Variants in COIL observed in about 807,000 individuals in gnomAD.
The protein encoded by COIL is coilin p80.
In COIL, 28 loss-of-function variants were observed where a neutral mutation model predicts 51.6. The ratio of observed to expected loss-of-function variants is 0.54; its 90% CI spans 0.40 to 0.74. The LOEUF (loss-of-function observed/expected upper bound fraction) is 0.74, where lower values mean the gene tolerates loss of function less well. COIL is among the 30% of genes least tolerant of loss of function. The pLI, the probability that COIL is intolerant of heterozygous loss-of-function variation, is 0.00. For missense variants in COIL, 667 were observed against 685.9 expected, an observed-to-expected ratio of 0.97 and a Z score of 0.31; for synonymous variants, 233 against 255.8, an observed-to-expected ratio of 0.91 and a Z score of 0.85.
chr17:56,950,481 T>A lies in COIL; in HGVS notation c.761A>T (p.Asp254Val). 2 of 1,614,220 alleles carry A rather than the reference T, an allele frequency of 1.2e-6. No individual in the cohort carries two copies. The highest frequency in any genetic ancestry group is 1.7e-5 in the Admixed American group (1 of 60,028). Residue 254 changes from aspartate to valine, a missense_variant, in exon 2 of 7, where the codon GAT becomes GTT. Transcript: ENST00000240316. ...PSSSSESESC[D>V]ESISDGPSKV... ...GCTGGGACCATCACTGATAGATTCA[T>A]CACAAGATTCAGACTCCGAGGAGGA...
chr17:56,951,248 CTAATCTAA>C (rs372457743), intron 1 of COIL, among the ~76,000 whole-genome samples: 75 of 152,276 alleles, frequency 4.9e-4, no homozygotes, highest in African/African-American at 1.6e-3. Flanking sequence ...ACGTTTTTCT[CTAATCTAA>C]ACACCAACAC....
Position 56,950,198 on chromosome 17 carries a change from T to A in COIL, c.1044A>T (p.Ala348=). Residue 348 remains alanine (A), a synonymous_variant, in exon 2 of 7, where the codon GCA becomes GCT. Coordinates refer to ENST00000240316, the MANE Select transcript of COIL (RefSeq NM_004645.3). The part of the protein sequence containing the change: ...AGFLKTVGLF[A]GRGRPGPGLS... ...GCCCTGGGCCTGGACGACCTCTTCC[T>A]GCAAAAAGGCCTACTGTCTTTAAGA... is the stretch of plus-strand genomic sequence containing the variant. 1 of 1,614,126 alleles carries A rather than the reference T, an allele frequency of 6.2e-7. No individual in the cohort carries two copies. Among genetic ancestry groups the A allele is most frequent in the Non-Finnish European group, 8.5e-7 (1 of 1,180,026 alleles).
chr17:56,956,508 G>A (rs1349484460), intron 1 of COIL, among the ~76,000 whole-genome samples: 3 of 151,712 alleles, frequency 2.0e-5, no homozygotes, highest in East Asian at 3.9e-4. Context: ...CTCCCACCTC[G>A]GCCTCCCAAA....
Position 56,946,472 on chromosome 17 carries a change from C to G in COIL, c.1528G>C (p.Val510Leu). The change falls in exon 5 of 7, where the codon GTA becomes CTA. Residue 510 changes from valine (V) to leucine (L), a missense_variant. Physicochemically the swap from Val to Leu is conservative, Grantham distance 32. Transcript: ENST00000240316. ...AAGGATGAAAGAATTTCTATATCTA[C>G]TTGCTGGGTCTCTGGATTGTGGCTT... ...ILSHNPETQQVDIEILSSLPA... is the reference protein window; with the variant it reads ...ILSHNPETQQLDIEILSSLPA... The G allele has an allele frequency of 6.2e-7, 1 of 1,611,222 alleles. No homozygotes were observed. The highest frequency in any genetic ancestry group is 8.5e-7 in the Non-Finnish European group (1 of 1,178,034).
chr17:56,939,305 ACTC>A, intron 6 of COIL, 151 bp from the exon 7 acceptor site: 1 of 591,650 alleles, frequency 1.7e-6, no homozygotes, highest in Non-Finnish European at 3.0e-6. Flanking sequence ...CAGTATAGTA[ACTC>A]TTTAGGCCAG....
In COIL at chr17:56,950,735, G is replaced by A. The variant is rs1910351438; in HGVS notation, c.507C>T (p.Thr169=). 2.5e-6 allele frequency: 4 copies of A among 1,613,786 alleles called. No homozygotes were observed. The highest frequency in any genetic ancestry group is 1.7e-5 in the Admixed American group (1 of 59,954). The change falls in exon 2 of 7, where the codon ACC becomes ACT. Residue 169 remains threonine, a synonymous_variant. Coordinates refer to ENST00000240316, the MANE Select transcript of COIL (RefSeq NM_004645.3). ...CGTTATCATCACCCACTGTGCCACA[G>A]GTTGCTTTATTTTTTCTCTTGTTTT... is the stretch of plus-strand genomic sequence containing the variant. ...SKKNKRKNKA[T]CGTVGDDNEE... is the part of the protein sequence containing the mutation.
rs1910357664 is a variant in COIL, at chr17:56,950,865, CA to C, written c.376del (p.Cys126AlafsTer83). ...LEEGEETEPDCKYSKKHWKSR... is the reference protein window; with the variant it reads ...LEEGEETEPDXKYSKKHWKSR... The stretch of plus-strand genomic sequence containing the variant: ...CTTCCAATGCTTCTTTGAATATTTG[CA>C]ATCTGGTTCAGTTTCTTCACCCTCC... On this transcript the variant is annotated frameshift_variant, in exon 2 of 7. Coordinates refer to ENST00000240316, the MANE Select transcript of COIL (RefSeq NM_004645.3). LOFTEE classifies it high-confidence loss of function. 6.2e-7 allele frequency: 1 copy of C among 1,613,776 alleles called. No homozygotes were observed. Among genetic ancestry groups the C allele is most frequent in the Non-Finnish European group, 8.5e-7 (1 of 1,180,044 alleles).
At chr17:56,952,919 G>C (rs530959785) in intron 1 of COIL, among the ~76,000 whole-genome samples, 1 of 152,276 alleles carries the variant, frequency 6.6e-6, no homozygotes, top group South Asian at 2.1e-4. Flanking sequence ...ATCCTAGTAT[G>C]TGCAGTCTGA....
intron 1 of COIL, among the ~76,000 whole-genome samples, chr17:56,955,379 TCTAA>T (rs1375596287): frequency 5.3e-5 from 8 of 152,262 alleles, no homozygotes; most frequent in African/African-American, 9.6e-5. Flanking sequence ...CACTTTTCAT[TCTAA>T]CTCTTTGCAA....
chr17:56,946,432 A>T lies in COIL; in HGVS notation c.1558+10T>A. The T allele has an allele frequency of 6.3e-7, 1 of 1,578,822 alleles. No individual in the cohort carries two copies. The highest frequency in any genetic ancestry group is 1.3e-5 in the African/African-American group (1 of 74,114). On this transcript the variant is annotated intron_variant, in intron 5 of 6. Transcript: ENST00000240316. The stretch of plus-strand genomic sequence containing the variant: ...GCCTACATTTTCAAATTATTTTCTA[A>T]AAGACTCACCAGGTAAGGATGAAAG...
intron 6 of COIL, among the ~76,000 whole-genome samples, chr17:56,939,632 C>T (rs1412728284): frequency 6.6e-6 from 1 of 151,744 alleles, no homozygotes; most frequent in East Asian, 1.9e-4. Context: ...CCCAGCTACT[C>T]GGAAGGCTGA....
intron 1 of COIL, chr17:56,951,431 T>A (rs775768447): frequency 0.024 from 3,689 of 155,718 alleles, 150 homozygotes; most frequent in African/African-American, 0.084. Context: ...CCCTAAAAGG[T>A]GATAATGCTG....
chr17:56,956,995 G>A (rs1288213906), intron 1 of COIL, among the ~76,000 whole-genome samples: 2 of 152,256 alleles, frequency 1.3e-5, no homozygotes, highest in Non-Finnish European at 1.5e-5. Flanking sequence ...TCAGGCCGGG[G>A]GCAGTGGCTC....
Position 56,942,048 on chromosome 17 carries a change from G to C in COIL, c.1634C>G (p.Thr545Arg). 14 of 1,613,834 alleles carry C rather than the reference G, an allele frequency of 8.7e-6. No individual in the cohort carries two copies. The highest frequency in any genetic ancestry group is 1.2e-5 in the Non-Finnish European group (14 of 1,179,750). Residue 545 changes from threonine to arginine, a missense_variant, in exon 6 of 7, where the codon ACA (threonine) becomes AGA (arginine). By Grantham distance (71) the Thr-to-Arg change is moderately conservative. Coordinates refer to ENST00000240316, the MANE Select transcript of COIL (RefSeq NM_004645.3). ...NGAEVVEYAV[T>R]QESKITVFWK... ...AAGCACACCTACCTTGCTCTCCTGT[G>C]TCACAGCGTACTCCACTACCTCGGC... is the stretch of plus-strand genomic sequence containing the variant.
chr17:56,944,275 T>C (rs2144393080), intron 5 of COIL, among the ~76,000 whole-genome samples: 1 of 152,170 alleles, frequency 6.6e-6, no homozygotes, highest in African/African-American at 2.4e-5. Context: ...GGGATTTCTA[T>C]AAATGAAATC....
chr17:56,956,069 A>G (rs1203385465), intron 1 of COIL, among the ~76,000 whole-genome samples: 1 of 152,252 alleles, frequency 6.6e-6, no homozygotes, highest in African/African-American at 2.4e-5. Flanking sequence ...ATGGTTGCAC[A>G]TGTATAGAAA....
At position 56,944,119 on chromosome 17, in the gene COIL, C is replaced by T. The variant is rs76632832; in HGVS notation, c.1559-1996G>A. ...TGGGCTCAAGTGATCCTCCCACCTT[C>T]GCCCCCGAAGCCATTTCTTGATGCC... On this transcript the variant is annotated intron_variant, in intron 5 of 6. Transcript: ENST00000240316. Among the ~76,000 whole-genome samples, 682 of 152,052 alleles carry T rather than the reference C, an allele frequency of 4.5e-3. 7 individuals are homozygous for T. The highest frequency in any genetic ancestry group is 0.015 in the African/African-American group (633 of 41,498).
chr17:56,948,148 T>TG (rs1054755059), intron 4 of COIL, among the ~76,000 whole-genome samples: 2 of 149,840 alleles, frequency 1.3e-5, no homozygotes, highest in African/African-American at 2.5e-5. Flanking sequence ...TTTTTTTTTT[T>TG]TTTTGAGATG....
Position 56,948,811 on chromosome 17 carries a change from G to A in COIL, c.1488+576C>T, listed in dbSNP as rs369399551. Among the ~76,000 whole-genome samples, 29 of 148,960 alleles carry A rather than the reference G, an allele frequency of 1.9e-4. No individual in the cohort carries two copies. In the South Asian group the frequency reaches 4.6e-3, roughly 24 times the overall value. ...TGATAATGCAGAAGAAATCATACTAGATCATAACAACCAGAAGTAATTCAC... is the reference window on the plus strand; with the variant it reads ...TGATAATGCAGAAGAAATCATACTAAATCATAACAACCAGAAGTAATTCAC... On this transcript the variant is annotated intron_variant, in intron 4 of 6. Transcript: ENST00000240316.
Sources: allele counts gnomAD v4.1 joint callset (sites outside exome capture counted in the v4.1 genomes callset), GRCh38; gene constraint gnomAD v4.1.1; transcripts MANE v1.5; gene names NCBI Gene and HGNC (gene_info 2026-07-23, HGNC 2026-07-21).